The following EPHA8 variants were observed in gnomAD, a reference collection of about 807,000 sequenced individuals.
EPHA8 encodes the protein EPH receptor A8.
EPHA8 carries 58 observed loss-of-function variants against 103.6 expected under a neutral mutation model. That is an observed-to-expected ratio of 0.56 (90% CI 0.45 to 0.70). The LOEUF is 0.70. Among genes scored for constraint, EPHA8 ranks in the 30% least tolerant of loss-of-function variants. The pLI, the probability that EPHA8 is intolerant of heterozygous loss-of-function variation, is 0.00. For missense variants in EPHA8, 1,304 were observed against 1,395.2 expected, an observed-to-expected ratio of 0.93 and a Z score of 1.04; for synonymous variants, 559 against 572.5, an observed-to-expected ratio of 0.98 and a Z score of 0.34.
At chr1:22,573,743 G>A (rs1640607056) in intron 2 of EPHA8, among the ~76,000 whole-genome samples, 1 of 152,224 alleles carries the variant, frequency 6.6e-6, no homozygotes, top group Non-Finnish European at 1.5e-5. Context: ...TGGCCAGCCA[G>A]TGCTCAGCAG....
In EPHA8 at chr1:22,599,031, C is replaced by T; in HGVS notation, c.2372C>T (p.Ala791Val). The T allele has an allele frequency of 6.2e-7, 1 of 1,606,768 alleles. No individual in the cohort carries two copies. The highest frequency in any genetic ancestry group is 8.5e-7 in the Non-Finnish European group (1 of 1,177,180). ...LSRVLEDDPD[A>V]AYTTTGGKIP... is the part of the protein sequence containing the mutation. The stretch of plus-strand genomic sequence containing the variant: ...CGGGTGCTGGAGGACGACCCGGATG[C>T]TGCCTACACCACCACGGTGCGTCGC... The change falls in exon 13 of 17, where the codon GCT becomes GTT. Residue 791 changes from alanine (A) to valine (V), a missense_variant. Transcript: ENST00000166244.
chr1:22,593,432 G>A lies in EPHA8; in HGVS notation c.1422G>A (p.Glu474=), dbSNP rs1368172122. 6.2e-7 allele frequency: 1 copy of A among 1,609,982 alleles called. No homozygotes were observed. The highest frequency in any genetic ancestry group is 1.3e-5 in the African/African-American group (1 of 75,046). ...CGAACGGCATCATCCTGGAGTATGA[G>A]ATCAAGTACTACGAGAAGGTACCAC... ...EQPNGIILEY[E]IKYYEKDKEM... Residue 474 remains glutamate (E), a synonymous_variant, in exon 6 of 17, where the codon GAG becomes GAA. Coordinates refer to ENST00000166244, the MANE Select transcript of EPHA8 (RefSeq NM_020526.5).
chr1:22,585,658 G>A (rs369053766), intron 3 of EPHA8, among the ~76,000 whole-genome samples: 13 of 152,234 alleles, frequency 8.5e-5, no homozygotes, highest in Non-Finnish European at 1.2e-4. Flanking sequence ...GCAGCTGGGT[G>A]GGGGGAGGCA....
chr1:22,588,900 T>G lies in EPHA8; in HGVS notation c.1009T>G (p.Ser337Ala). The change falls in exon 5 of 17, where the codon TCC becomes GCC. Residue 337 changes from serine (S) to alanine (A), a missense_variant. By Grantham distance (99) the Ser-to-Ala change is moderately conservative (BLOSUM62 1). Coordinates refer to ENST00000166244, the MANE Select transcript of EPHA8 (RefSeq NM_020526.5). ...ACCCTCGGCACCAGTGAACCTGATC[T>G]CCAGTGTGAATGGGACATCAGTGAC... ...RPPSAPVNLI[S>A]SVNGTSVTLE... The G allele has an allele frequency of 6.2e-7, 1 of 1,600,896 alleles. No individual in the cohort carries two copies. Among genetic ancestry groups the G allele is most frequent in the Non-Finnish European group, 8.5e-7 (1 of 1,175,678 alleles).
At chr1:22,580,441 C>T (rs559740514) in intron 3 of EPHA8, among the ~76,000 whole-genome samples, 3 of 152,256 alleles carry the variant, frequency 2.0e-5, no homozygotes, top group Admixed American at 1.3e-4. Context: ...GTCCAACTCG[C>T]TCTCTGGTTT....
At chr1:22,599,835 GGAAGA>G (rs1349919265) in intron 13 of EPHA8, among the ~76,000 whole-genome samples, 1 of 89,676 alleles carries the variant, frequency 1.1e-5, no homozygotes, top group African/African-American at 4.8e-5. Context: ...GGGAGGGGAG[GGAAGA>G]GGAGAGGAGG....
intron 3 of EPHA8, among the ~76,000 whole-genome samples, chr1:22,584,781 G>A (rs1039107545): frequency 9.2e-5 from 14 of 152,150 alleles, no homozygotes; most frequent in Non-Finnish European, 1.3e-4. Context: ...AGCAGATAAT[G>A]GTGGGATCCA....
At chr1:22,564,901 C>A (rs564629527) in intron 1 of EPHA8, among the ~76,000 whole-genome samples, 1 of 152,140 alleles carries the variant, frequency 6.6e-6, no homozygotes, top group Non-Finnish European at 1.5e-5. Context: ...TGCTGCTCTT[C>A]CACGCCCAGA....
rs1407644622 is a variant in EPHA8, at chr1:22,576,405, C to T, written c.348C>T (p.Gly116=). 1.9e-6 allele frequency: 3 copies of T among 1,613,812 alleles called. No individual in the cohort carries two copies. The highest frequency in any genetic ancestry group is 2.5e-6 in the Non-Finnish European group (3 of 1,180,052). Residue 116 remains glycine, a synonymous_variant, in exon 3 of 17, where the codon GGC becomes GGT. Transcript: ENST00000166244. This position sits in a 1 kb window ranked among gnomAD's most constrained non-coding sequence, Gnocchi z 4.8. ...RDCNSMPGVL[G]TCKETFNLYY... ...GCAACAGCATGCCTGGTGTGCTGGGCACCTGCAAGGAGACCTTCAACCTCT... is the reference window on the plus strand; with the variant it reads ...GCAACAGCATGCCTGGTGTGCTGGGTACCTGCAAGGAGACCTTCAACCTCT...
chr1:22,592,468 G>A (rs1200862509), intron 5 of EPHA8, among the ~76,000 whole-genome samples: 2 of 152,186 alleles, frequency 1.3e-5, no homozygotes, highest in African/African-American at 4.8e-5. Flanking sequence ...CCAGACTGGT[G>A]GGCTTTCCCC....
At position 22,576,485 on chromosome 1, in the gene EPHA8, T is replaced by G. The variant is rs774222703; in HGVS notation, c.428T>G (p.Leu143Arg). 7.4e-6 allele frequency: 12 copies of G among 1,614,088 alleles called. No individual in the cohort carries two copies. The highest frequency in any genetic ancestry group is 8.5e-6 in the Non-Finnish European group (10 of 1,180,034). ...GCCAGCACACAAGAAAGCCAGTTCC[T>G]CAAAATCGACACCATTGCGGCCGAC... ...LGASTQESQF[L>R]KIDTIAADES... Residue 143 changes from leucine (L) to arginine (R), a missense_variant, in exon 3 of 17, where the codon CTC becomes CGC. By Grantham distance (102) the Leu-to-Arg change is moderately radical. Coordinates refer to ENST00000166244, the MANE Select transcript of EPHA8 (RefSeq NM_020526.5). This position sits in a 1 kb window ranked among gnomAD's most constrained non-coding sequence, Gnocchi z 4.8.
At chr1:22,581,820 T>C (rs1227825878) in intron 3 of EPHA8, among the ~76,000 whole-genome samples, 2 of 152,266 alleles carry the variant, frequency 1.3e-5, no homozygotes, top group East Asian at 3.8e-4. Flanking sequence ...CATAGTGCAC[T>C]GCAGGCAGTG....
chr1:22,578,119 AGTGTATGCATGTGTGCATGT>A (rs1557559404), intron 3 of EPHA8, among the ~76,000 whole-genome samples: 1 of 33,704 alleles, frequency 3.0e-5, no homozygotes, highest in Non-Finnish European at 6.8e-5. Context: ...TGTGTGCGTG[AGTGTATGCATGTGTGCATGT>A]GTGTATGTGT....
At chr1:22,594,262 C>A (rs972222192) in intron 7 of EPHA8, among the ~76,000 whole-genome samples, 1 of 152,210 alleles carries the variant, frequency 6.6e-6, no homozygotes, top group African/African-American at 2.4e-5. Context: ...ACCACTGCAC[C>A]CGGCCTCTGT....
Position 22,599,047 on chromosome 1 carries a change from G to A in EPHA8, c.2388G>A (p.Thr796=), listed in dbSNP as rs200086276. The A allele has an allele frequency of 3.1e-5, 50 of 1,595,878 alleles. No homozygotes were observed. Among genetic ancestry groups the A allele is most frequent in the Admixed American group, 8.7e-5 (5 of 57,496 alleles). ...EDDPDAAYTT[T]GGKIPIRWTA... ...ACCCGGATGCTGCCTACACCACCACGGTGCGTCGCCCACACTCCTTCCGGC... is the reference window on the plus strand; with the variant it reads ...ACCCGGATGCTGCCTACACCACCACAGTGCGTCGCCCACACTCCTTCCGGC... Residue 796 remains threonine (T), a splice_region_variant and synonymous_variant, in exon 13 of 17, where the codon ACG becomes ACA. Coordinates refer to ENST00000166244, the MANE Select transcript of EPHA8 (RefSeq NM_020526.5).
intron 2 of EPHA8, among the ~76,000 whole-genome samples, chr1:22,573,135 C>T (rs769071482): frequency 3.3e-5 from 5 of 152,106 alleles, no homozygotes; most frequent in African/African-American, 9.7e-5. Flanking sequence ...GAGCAGGGGT[C>T]CTTCTTGGGT....
In EPHA8 at chr1:22,602,766, G is replaced by A. The variant is rs1375691398; in HGVS notation, c.*1025G>A. The A allele has an allele frequency of 6.6e-6, 1 of 152,420 alleles. No individual in the cohort carries two copies. Among genetic ancestry groups the A allele is most frequent in the Admixed American group, 6.5e-5 (1 of 15,282 alleles). The allele number at this position is 152,420 out of a possible 1,614,324, so 9.4% of individuals were successfully genotyped here. On this transcript the variant is annotated 3_prime_UTR_variant, in exon 17 of 17. Coordinates refer to ENST00000166244, the MANE Select transcript of EPHA8 (RefSeq NM_020526.5). The stretch of plus-strand genomic sequence containing the variant: ...CTCAGCACCCAGCCCACCCCTTCCT[G>A]TAGCATATGGGGAGACTAAGGCCTG...
chr1:22,595,418 C>G, intron 8 of EPHA8, 95 bp downstream of exon 8: 1 of 1,009,440 alleles, frequency 9.9e-7, no homozygotes, highest in Non-Finnish European at 1.5e-6. Flanking sequence ...TCCCCGTGTG[C>G]CTGGGGCTGG....
Position 22,569,215 on chromosome 1 carries a change from C to A in EPHA8, c.95-74C>A. The stretch of plus-strand genomic sequence containing the variant: ...GGGGGCTGAGTGTGGACCAGTGTAG[C>A]TGGGTCAGGCTGCTCTTGAGGAGCT... On this transcript the variant is annotated intron_variant, in intron 1 of 16. Coordinates refer to ENST00000166244, the MANE Select transcript of EPHA8 (RefSeq NM_020526.5). This position sits in a 1 kb window ranked among gnomAD's most constrained non-coding sequence, Gnocchi z 4.5. 2 of 1,479,092 alleles carry A rather than the reference C, an allele frequency of 1.4e-6. No individual in the cohort carries two copies. Among genetic ancestry groups the A allele is most frequent in the Non-Finnish European group, 9.4e-7 (1 of 1,060,476 alleles). The allele number at this position is 1,479,092 out of a possible 1,614,324, so 91.6% of individuals were successfully genotyped here. A position where few individuals can be genotyped will look rare whatever the true frequency, so the allele number is the denominator to read the frequency against.
Sources: allele counts gnomAD v4.1 joint callset (sites outside exome capture counted in the v4.1 genomes callset), GRCh38; gene constraint gnomAD v4.1.1; non-coding constraint Gnocchi (gnomAD v3.1); transcripts MANE v1.5; gene names NCBI Gene and HGNC (gene_info 2026-07-23, HGNC 2026-07-21).